Variants in GHR observed in about 807,000 individuals in gnomAD.
The protein encoded by GHR is GH receptor.
Under a neutral mutation model 67.1 loss-of-function variants are expected in GHR, and 35 were observed. The ratio of observed to expected loss-of-function variants is 0.52; its 90% CI spans 0.40 to 0.69. The LOEUF (loss-of-function observed/expected upper bound fraction) is 0.69. Ranked by LOEUF, GHR falls within the 30% of genes least tolerant of loss-of-function variation. GHR has a pLI of 0.00. For synonymous variants in GHR, 272 were observed against 269.1 expected (o/e 1.01, Z -0.10); for missense variants, 792 against 764.6 (o/e 1.04, Z -0.42).
intron 1 of GHR, among the ~76,000 whole-genome samples, chr5:42,450,300 A>G (rs767941163): frequency 6.6e-6 from 1 of 151,910 alleles, no homozygotes; most frequent in Non-Finnish European, 1.5e-5. Context: ...TTTCAGTCTC[A>G]CTACTTGTTA....
At chr5:42,522,744 T>C (rs993564683) in intron 1 of GHR, among the ~76,000 whole-genome samples, 1 of 152,202 alleles carries the variant, frequency 6.6e-6, no homozygotes, top group African/African-American at 2.4e-5. Flanking sequence ...TTTGTGGTTT[T>C]AAGAAAGAAT....
At chr5:42,696,488 G>T (rs1757680369) in intron 5 of GHR, among the ~76,000 whole-genome samples, 2 of 152,174 alleles carry the variant, frequency 1.3e-5, no homozygotes, top group Non-Finnish European at 2.9e-5. Flanking sequence ...GTGGTCAAAA[G>T]CATGAGTGAG....
At chr5:42,550,353 T>C (rs1214645352) in intron 1 of GHR, among the ~76,000 whole-genome samples, 1 of 152,174 alleles carries the variant, frequency 6.6e-6, no homozygotes, top group South Asian at 2.1e-4. Flanking sequence ...ATGTTCAGCC[T>C]CTGGCTTCTG....
chr5:42,482,537 G>C (rs184415234), intron 1 of GHR, among the ~76,000 whole-genome samples: 2 of 152,196 alleles, frequency 1.3e-5, no homozygotes, highest in African/African-American at 4.8e-5. Flanking sequence ...CACCCAGTTC[G>C]AGCTTCCTGG....
At chr5:42,696,480 G>A (rs1246298342) in intron 5 of GHR, among the ~76,000 whole-genome samples, 1 of 152,122 alleles carries the variant, frequency 6.6e-6, no homozygotes, top group Non-Finnish European at 1.5e-5. Flanking sequence ...GACCCACAGT[G>A]GTCAAAAGCA....
intron 6 of GHR, among the ~76,000 whole-genome samples, chr5:42,700,266 A>G (rs1757870975): frequency 6.6e-6 from 1 of 152,212 alleles, no homozygotes; most frequent in Non-Finnish European, 1.5e-5. Context: ...GTTTAACTTT[A>G]GAGCAAAATT....
Position 42,682,298 on chromosome 5 carries a change from G to C in GHR, c.137-6592G>C, listed in dbSNP as rs75976481. 2.1e-3 allele frequency among the ~76,000 whole-genome samples: 316 copies of C among 152,258 alleles called. 1 individual carries two copies. Among genetic ancestry groups the C allele is most frequent in the African/African-American group, 7.4e-3 (306 of 41,552 alleles). On this transcript the variant is annotated intron_variant, in intron 3 of 9. Transcript: ENST00000230882. ...TTCAGAGGTGCTATAAATGGATGTT[G>C]AACTATACTATTTTTAGATTTAATC...
chr5:42,686,400 C>T (rs992646022), intron 3 of GHR, among the ~76,000 whole-genome samples: 1 of 152,040 alleles, frequency 6.6e-6, no homozygotes, highest in African/African-American at 2.4e-5. Context: ...GACCAATATC[C>T]CTGATGAACA....
intron 3 of GHR, among the ~76,000 whole-genome samples, chr5:42,686,837 G>A (rs908626546): frequency 2.0e-5 from 3 of 152,096 alleles, no homozygotes; most frequent in Non-Finnish European, 2.9e-5. Context: ...GGGCAGTCAG[G>A]CAAGAGAAAG....
chr5:42,490,155 A>G (rs776465623), intron 1 of GHR, among the ~76,000 whole-genome samples: 24 of 152,204 alleles, frequency 1.6e-4, no homozygotes, highest in Non-Finnish European at 2.9e-4. Context: ...GAGCTCTAGC[A>G]TTTACTTACT....
chr5:42,477,417 C>A (rs957218295), intron 1 of GHR, among the ~76,000 whole-genome samples: 1 of 152,162 alleles, frequency 6.6e-6, no homozygotes, highest in African/African-American at 2.4e-5. Context: ...ATGGCAGGTT[C>A]AAATGGTATT....
chr5:42,424,623 ACCT>A lies in GHR; in HGVS notation c.-12+671_-12+673del. ...GGTAAGTGGAAATTGTGGCGAGCCG[ACCT>A]CCCCCAGCTTTTGACACACTAGTGG... On this transcript the variant is annotated intron_variant, in intron 1 of 9. Transcript: ENST00000230882. The surrounding 1 kb of genome is among the most constrained non-coding windows in gnomAD (Gnocchi z 4.1). The A allele has an allele frequency of 2.0e-6, 3 of 1,531,224 alleles. No homozygotes were observed. The highest frequency in any genetic ancestry group is 1.7e-6 in the Non-Finnish European group (2 of 1,143,180). The allele number at this position is 1,531,224 out of a possible 1,614,324, so 94.9% of individuals were successfully genotyped here.
At chr5:42,717,495 C>T (rs1013383242) in intron 8 of GHR, among the ~76,000 whole-genome samples, 4 of 152,116 alleles carry the variant, frequency 2.6e-5, no homozygotes, top group African/African-American at 9.7e-5. Context: ...TAATCTGTCC[C>T]ATCTGAAATG....
intron 1 of GHR, among the ~76,000 whole-genome samples, chr5:42,430,444 CTA>C (rs1743043072): frequency 6.6e-6 from 1 of 152,066 alleles, no homozygotes; most frequent in African/African-American, 2.4e-5. Context: ...AAACAAATGG[CTA>C]TGTTTCTTGG....
At chr5:42,460,307 A>G (rs1744434650) in intron 1 of GHR, among the ~76,000 whole-genome samples, 1 of 152,220 alleles carries the variant, frequency 6.6e-6, no homozygotes, top group Non-Finnish European at 1.5e-5. Context: ...CAATTATTAT[A>G]CCATGTAAGC....
At chr5:42,541,242 A>C (rs1351479188) in intron 1 of GHR, among the ~76,000 whole-genome samples, 1 of 152,222 alleles carries the variant, frequency 6.6e-6, no homozygotes. Flanking sequence ...GCCATGGAGA[A>C]AAATTAAGTA....
At chr5:42,649,254 G>A (rs1350215749) in intron 3 of GHR, among the ~76,000 whole-genome samples, 1 of 152,114 alleles carries the variant, frequency 6.6e-6, no homozygotes, top group Non-Finnish European at 1.5e-5. Flanking sequence ...TTTGTGCTCA[G>A]CTCTAAAAAT....
chr5:42,688,850 C>G, intron 3 of GHR, 40 bp from the exon 4 acceptor site: 2 of 1,601,162 alleles, frequency 1.2e-6, no homozygotes, highest in Non-Finnish European at 1.7e-6. Flanking sequence ...ACATATGACT[C>G]ACCTGATTTC....
intron 3 of GHR, among the ~76,000 whole-genome samples, chr5:42,643,779 A>G (rs1250566689): frequency 6.6e-6 from 1 of 151,792 alleles, no homozygotes. Flanking sequence ...TGACTTAATC[A>G]TTTCTATTCC....
Sources: allele counts gnomAD v4.1 joint callset (sites outside exome capture counted in the v4.1 genomes callset), GRCh38; gene constraint gnomAD v4.1.1; non-coding constraint Gnocchi (gnomAD v3.1); transcripts MANE v1.5; gene names NCBI Gene and HGNC (gene_info 2026-07-23, HGNC 2026-07-21).